KLF4: variants seen among roughly 807,000 people sequenced by gnomAD.
KLF4 encodes the protein Krueppel-like factor 4.
In KLF4, 14 loss-of-function variants were observed where a neutral mutation model predicts 38.0. That is an observed-to-expected ratio of 0.37 (90% CI 0.24 to 0.58). KLF4 has a LOEUF of 0.58. Ranked by LOEUF, KLF4 falls within the 20% of genes least tolerant of loss-of-function variation. The pLI is 0.76. For missense variants in KLF4, 737 were observed against 670.1 expected, an observed-to-expected ratio of 1.10 and a Z score of -1.10; for synonymous variants, 398 against 302.5, an observed-to-expected ratio of 1.32 and a Z score of -3.28.
rs1318208648 is a variant in KLF4 at position 107,487,871 on chromosome 9, T to G, written c.523A>C (p.Arg175=). The change falls in exon 3 of 5, where the codon AGG becomes CGG. Residue 175 remains arginine (R), a synonymous_variant. Coordinates refer to ENST00000374672, the MANE Select transcript of KLF4 (RefSeq NM_004235.6). The surrounding 1 kb of genome is among the most constrained non-coding windows in gnomAD (Gnocchi z 6.1). The stretch of plus-strand genomic sequence containing the variant: ...GCCGTCGGAGGGGGAGCGGACTCCC[T>G]GCCATAGAGGAGGCCTCCGCCCGTG... ...GGTGGGLLYG[R]ESAPPPTAPF... 3.2e-6 allele frequency: 5 copies of G among 1,539,420 alleles called. No individual in the cohort carries two copies. The highest frequency in any genetic ancestry group is 4.4e-6 in the Non-Finnish European group (5 of 1,142,538).
rs764971309 is a variant in KLF4 at position 107,485,485 on chromosome 9, C to A, written c.*266G>T. Reference sequence around the variant, plus strand: ...CCACAACTTCCAGTCACCCCCTTGGCATTTTGTAAGTCCAGGAATATTCAA... The same window carrying A: ...CCACAACTTCCAGTCACCCCCTTGGAATTTTGTAAGTCCAGGAATATTCAA... On this transcript the variant is annotated 3_prime_UTR_variant, in exon 5 of 5. Transcript: ENST00000374672. The surrounding 1 kb of genome is among the most constrained non-coding windows in gnomAD (Gnocchi z 4.9). 8.9e-5 allele frequency: 34 copies of A among 380,516 alleles called. No homozygotes were observed. Among genetic ancestry groups the A allele is most frequent in the Non-Finnish European group, 1.2e-4 (26 of 215,858 alleles). The allele number at this position is 380,516 out of a possible 1,614,324, so 23.6% of individuals were successfully genotyped here. A position where few individuals can be genotyped will look rare whatever the true frequency, so the allele number is the denominator to read the frequency against.
chr9:107,487,614 C>T lies in KLF4; in HGVS notation c.780G>A (p.Pro260=). The T allele has an allele frequency of 6.2e-6, 10 of 1,600,690 alleles. No individual in the cohort carries two copies. The highest frequency in any genetic ancestry group is 1.1e-5 in the South Asian group (1 of 90,690). The change falls in exon 3 of 5, where the codon CCG becomes CCA. Residue 260 remains proline, a synonymous_variant. Transcript: ENST00000374672. The surrounding 1 kb of genome is among the most constrained non-coding windows in gnomAD (Gnocchi z 6.1). ...VSKGSPDGSH[P]VVVAPYNGGP... Reference sequence around the variant, plus strand: ...CGCCGTTGTAGGGCGCCACCACCACCGGGTGGCTGCCGTCAGGGCTGCCTT... The same window carrying T: ...CGCCGTTGTAGGGCGCCACCACCACTGGGTGGCTGCCGTCAGGGCTGCCTT...
chr9:107,488,956 G>A lies in KLF4; in HGVS notation c.100C>T (p.Leu34=). 6.4e-7 allele frequency: 1 copy of A among 1,562,116 alleles called. No individual in the cohort carries two copies. The change falls in exon 2 of 5, where the codon CTG becomes TTG. Residue 34 remains leucine (L), a synonymous_variant. Coordinates refer to ENST00000374672, the MANE Select transcript of KLF4 (RefSeq NM_004235.6). The surrounding 1 kb of genome is among the most constrained non-coding windows in gnomAD (Gnocchi z 5.7). ...TTATTCGGGGCACCTGCTTGACGCAGTGTCTTCTCCCTTCCCGCCGGGCCA... is the reference window on the plus strand; with the variant it reads ...TTATTCGGGGCACCTGCTTGACGCAATGTCTTCTCCCTTCCCGCCGGGCCA... ...ASGPAGREKT[L]RQAGAPNNRW... is the part of the protein sequence containing the mutation.
Position 107,488,298 on chromosome 9 carries a change from G to A in KLF4, c.127-31C>T, listed in dbSNP as rs755964747. 1.9e-6 allele frequency: 3 copies of A among 1,545,270 alleles called. No homozygotes were observed. The highest frequency in any genetic ancestry group is 2.6e-6 in the Non-Finnish European group (3 of 1,149,552). On this transcript the variant is annotated intron_variant, in intron 2 of 4. Coordinates refer to ENST00000374672, the MANE Select transcript of KLF4 (RefSeq NM_004235.6). The surrounding 1 kb of genome is among the most constrained non-coding windows in gnomAD (Gnocchi z 5.7). ...GGGACAGGGCGGGAGAGACCTGTCA[G>A]TGGTGGTCCCCTGTTGCCACCCGAC...
rs1442557293 is a variant in KLF4, at chr9:107,487,452, C to A, written c.942G>T (p.Arg314Ser). 1 of 1,531,862 alleles carries A rather than the reference C, an allele frequency of 6.5e-7. No homozygotes were observed. 94.9% of individuals were successfully genotyped at this position (1,531,862 alleles called of 1,614,324 possible). A position where few individuals can be genotyped will look rare whatever the true frequency, so the allele number is the denominator to read the frequency against. ...CCTCAAGACCCAGGGTCGGGGTAGT[C>A]CTGCTGGGGAGCTGCCGCCCCAGGG... ...DFPLGRQLPS[R>S]TTPTLGLEEV... Residue 314 changes from arginine (R) to serine (S), a missense_variant, in exon 3 of 5, where the codon AGG becomes AGT. Transcript: ENST00000374672. This position sits in a 1 kb window ranked among gnomAD's most constrained non-coding sequence, Gnocchi z 6.1.
chr9:107,488,163 G>A lies in KLF4; in HGVS notation c.231C>T (p.Gly77=), dbSNP rs750807475. The A allele has an allele frequency of 1.1e-5, 18 of 1,612,590 alleles. No homozygotes were observed. In the East Asian group the frequency reaches 2.7e-4, roughly 24 times the overall value. Residue 77 remains glycine (G), a synonymous_variant, in exon 3 of 5, where the codon GGC becomes GGT. Coordinates refer to ENST00000374672, the MANE Select transcript of KLF4 (RefSeq NM_004235.6). This position sits in a 1 kb window ranked among gnomAD's most constrained non-coding sequence, Gnocchi z 5.7. ...AATVATDLES[G]GAGAACGGSN... is the part of the protein sequence containing the mutation. ...TACCGCCGCAAGCCGCACCGGCTCC[G>A]CCGCTCTCCAGGTCTGTGGCCACGG...
In KLF4 at chr9:107,488,813, G is replaced by C; in HGVS notation, c.126+117C>G. The C allele has an allele frequency of 1.5e-6, 2 of 1,371,836 alleles. No homozygotes were observed. Among genetic ancestry groups the C allele is most frequent in the Admixed American group, 4.9e-5 (2 of 40,694 alleles). 85.0% of individuals were successfully genotyped at this position (1,371,836 alleles called of 1,614,324 possible). ...ATCCCGGGAAGGTTGCGGAGTCCGC[G>C]CGGTGGCCGCTCCTTACCCTCGTTC... On this transcript the variant is annotated intron_variant, in intron 2 of 4. Coordinates refer to ENST00000374672, the MANE Select transcript of KLF4 (RefSeq NM_004235.6). This position sits in a 1 kb window ranked among gnomAD's most constrained non-coding sequence, Gnocchi z 5.7.
In KLF4 at chr9:107,488,395, C is replaced by T. The variant is rs1829127551; in HGVS notation, c.127-128G>A. The T allele has an allele frequency of 7.0e-7, 1 of 1,423,036 alleles. No homozygotes were observed. The highest frequency in any genetic ancestry group is 9.2e-7 in the Non-Finnish European group (1 of 1,089,472). 88.2% of individuals were successfully genotyped at this position (1,423,036 alleles called of 1,614,324 possible). A position where few individuals can be genotyped will look rare whatever the true frequency, so the allele number is the denominator to read the frequency against. ...GGGGACTGGTCAGGCAGGAAGCACC[C>T]GGGAACCCAGGGCGCCAGCGCTGCA... On this transcript the variant is annotated intron_variant, in intron 2 of 4. Coordinates refer to ENST00000374672, the MANE Select transcript of KLF4 (RefSeq NM_004235.6). The surrounding 1 kb of genome is among the most constrained non-coding windows in gnomAD (Gnocchi z 5.7).
chr9:107,486,956 C>A (rs1221852867), intron 4 of KLF4, 72 bp downstream of exon 4: 4 of 1,610,860 alleles, frequency 2.5e-6, no homozygotes, highest in South Asian at 1.1e-5. Context: ...CAAGGAGGCA[C>A]TGAGGAGTGT....
Position 107,487,753 on chromosome 9 carries a change from G to A in KLF4, c.641C>T (p.Pro214Leu), listed in dbSNP as rs769135101. ...ACCTGGCGGCTGCGGCTGCTGCGGC[G>A]GAATGTACACCGGGTCCAATTCTGG... ...LRPELDPVYI[P>L]PQQPQPPGGG... The change falls in exon 3 of 5, where the codon CCG becomes CTG. Residue 214 changes from proline (P) to leucine (L), a missense_variant. Pro to Leu is a moderately conservative substitution (Grantham distance 98, BLOSUM62 -3). Coordinates refer to ENST00000374672, the MANE Select transcript of KLF4 (RefSeq NM_004235.6). The surrounding 1 kb of genome is among the most constrained non-coding windows in gnomAD (Gnocchi z 6.1). 3.4e-5 allele frequency: 53 copies of A among 1,572,498 alleles called. No homozygotes were observed. In the South Asian group the frequency reaches 5.3e-4, roughly 16 times the overall value.
chr9:107,487,205 A>G lies in KLF4; in HGVS notation c.1100-13T>C, dbSNP rs1254396335. 1 of 1,613,364 alleles carries G rather than the reference A, an allele frequency of 6.2e-7. No individual in the cohort carries two copies. Among genetic ancestry groups the G allele is most frequent in the Non-Finnish European group, 8.5e-7 (1 of 1,179,594 alleles). On this transcript the variant is annotated splice_polypyrimidine_tract_variant and intron_variant, in intron 3 of 4. Transcript: ENST00000374672. The surrounding 1 kb of genome is among the most constrained non-coding windows in gnomAD (Gnocchi z 6.1). ...GGTGGCATGAGCTCTAGGGGTGAAG[A>G]AGGTGGGGTGAGCATCATCCCGTGT...
rs1241822358 is a variant in KLF4, at chr9:107,489,042, G to A, written c.14C>T (p.Pro5Leu). The part of the protein sequence containing the change: MRQP[P>L]GESDMAVSDA... The stretch of plus-strand genomic sequence containing the variant: ...GCTGACAGCCATGTCAGACTCGCCA[G>A]GTGGCTGCCTGCGAGCAAGGCAGGG... The change falls in exon 2 of 5, where the codon CCT becomes CTT. Residue 5 changes from proline (P) to leucine (L), a missense_variant. Pro to Leu is a moderately conservative substitution (Grantham distance 98). Coordinates refer to ENST00000374672, the MANE Select transcript of KLF4 (RefSeq NM_004235.6). 2 of 1,556,216 alleles carry A rather than the reference G, an allele frequency of 1.3e-6. No homozygotes were observed. The highest frequency in any genetic ancestry group is 1.7e-6 in the Non-Finnish European group (2 of 1,149,416).
In KLF4 at chr9:107,488,792, C is replaced by A; in HGVS notation, c.126+138G>T. On this transcript the variant is annotated intron_variant, in intron 2 of 4. Coordinates refer to ENST00000374672, the MANE Select transcript of KLF4 (RefSeq NM_004235.6). This position sits in a 1 kb window ranked among gnomAD's most constrained non-coding sequence, Gnocchi z 5.7. ...TGAGCCAAGGACACGGAAGCTATCCCGGGAAGGTTGCGGAGTCCGCGCGGT... is the reference window on the plus strand; with the variant it reads ...TGAGCCAAGGACACGGAAGCTATCCAGGGAAGGTTGCGGAGTCCGCGCGGT... 8.2e-7 allele frequency: 1 copy of A among 1,223,508 alleles called. No individual in the cohort carries two copies. Among genetic ancestry groups the A allele is most frequent in the South Asian group, 1.5e-5 (1 of 65,528 alleles). 75.8% of individuals were successfully genotyped at this position (1,223,508 alleles called of 1,614,324 possible). A position where few individuals can be genotyped will look rare whatever the true frequency, so the allele number is the denominator to read the frequency against.
chr9:107,486,442 A>G (rs1312601858), intron 4 of KLF4, among the ~76,000 whole-genome samples: 1 of 152,066 alleles, frequency 6.6e-6, no homozygotes, highest in Non-Finnish European at 1.5e-5. Flanking sequence ...ACAACCCTAA[A>G]TCAGAATCTT....
chr9:107,488,284 G>A lies in KLF4; in HGVS notation c.127-17C>T. 3.2e-6 allele frequency: 5 copies of A among 1,575,442 alleles called. No homozygotes were observed. In the African/African-American group the frequency reaches 5.4e-5, roughly 17 times the overall value. ...CCGCCAGCGCTGCGGGGACAGGGCG[G>A]GAGAGACCTGTCAGTGGTGGTCCCC... On this transcript the variant is annotated splice_polypyrimidine_tract_variant and intron_variant, in intron 2 of 4. Coordinates refer to ENST00000374672, the MANE Select transcript of KLF4 (RefSeq NM_004235.6). The surrounding 1 kb of genome is among the most constrained non-coding windows in gnomAD (Gnocchi z 5.7).
Position 107,487,711 on chromosome 9 carries a change from T to A in KLF4, c.683A>T (p.Lys228Met). ...GCTCAGCGACGCCTTCAGCACGAAC[T>A]TGCCCATCAGCCCGCCACCTGGCGG... ...PQPPGGGLMG[K>M]FVLKASLSAP... The change falls in exon 3 of 5, where the codon AAG becomes ATG. Residue 228 changes from lysine to methionine, a missense_variant. By Grantham distance (95) the Lys-to-Met change is moderately conservative. Coordinates refer to ENST00000374672, the MANE Select transcript of KLF4 (RefSeq NM_004235.6). The surrounding 1 kb of genome is among the most constrained non-coding windows in gnomAD (Gnocchi z 6.1). 6.2e-7 allele frequency: 1 copy of A among 1,603,134 alleles called. No homozygotes were observed. Among genetic ancestry groups the A allele is most frequent in the East Asian group, 2.2e-5 (1 of 44,476 alleles).
chr9:107,489,125 G>A (rs1437581969), intron 1 of KLF4, 43 bp downstream of exon 1: 1 of 1,547,998 alleles, frequency 6.5e-7, no homozygotes. Flanking sequence ...CGTCCCACCG[G>A]TCCTCACCCC....
Position 107,487,816 on chromosome 9 carries a change from A to C in KLF4, c.578T>G (p.Val193Gly). The C allele has an allele frequency of 6.5e-7, 1 of 1,531,030 alleles. No homozygotes were observed. The highest frequency in any genetic ancestry group is 8.8e-7 in the Non-Finnish European group (1 of 1,136,340). The allele number at this position is 1,531,030 out of a possible 1,614,324, so 94.8% of individuals were successfully genotyped here. A position where few individuals can be genotyped will look rare whatever the true frequency, so the allele number is the denominator to read the frequency against. ...GGCCACGAAGCCGCCCGAGGGGCTCACGTCGTTGATGTCCGCCAGGTTGAA... is the reference window on the plus strand; with the variant it reads ...GGCCACGAAGCCGCCCGAGGGGCTCCCGTCGTTGATGTCCGCCAGGTTGAA... ...APFNLADIND[V>G]SPSGGFVAEL... is the part of the protein sequence containing the mutation. Residue 193 changes from valine (V) to glycine (G), a missense_variant, in exon 3 of 5, where the codon GTG (valine) becomes GGG (glycine). Coordinates refer to ENST00000374672, the MANE Select transcript of KLF4 (RefSeq NM_004235.6). The surrounding 1 kb of genome is among the most constrained non-coding windows in gnomAD (Gnocchi z 6.1).
rs1829088467 is a variant in KLF4, at chr9:107,487,459, G to A, written c.935C>T (p.Pro312Leu). 2.6e-6 allele frequency: 4 copies of A among 1,534,268 alleles called. No homozygotes were observed. The highest frequency in any genetic ancestry group is 1.3e-5 in the South Asian group (1 of 77,758). ...AHDFPLGRQL[P>L]SRTTPTLGLE... ...ACCCAGGGTCGGGGTAGTCCTGCTG[G>A]GGAGCTGCCGCCCCAGGGGGAAGTC... The change falls in exon 3 of 5, where the codon CCC becomes CTC. Residue 312 changes from proline (P) to leucine (L), a missense_variant. By Grantham distance (98) the Pro-to-Leu change is moderately conservative. Coordinates refer to ENST00000374672, the MANE Select transcript of KLF4 (RefSeq NM_004235.6). The surrounding 1 kb of genome is among the most constrained non-coding windows in gnomAD (Gnocchi z 6.1).
Sources: gnomAD v4.1 joint callset for allele counts (sites outside exome capture counted in the v4.1 genomes callset) on GRCh38, gnomAD v4.1.1 for gene constraint, Gnocchi (gnomAD v3.1) non-coding constraint, MANE v1.5 for transcripts, NCBI Gene and HGNC (gene_info 2026-07-23, HGNC 2026-07-21) for gene names.